The following C1orf105 variants were observed in gnomAD, a reference collection of about 807,000 sequenced individuals.
C1orf105 encodes chromosome 1 open reading frame 105, also known as uncharacterized protein C1orf105.
Under a neutral mutation model 20.8 loss-of-function variants are expected in C1orf105, and 17 were observed. The ratio of observed to expected loss-of-function variants is 0.82; its 90% CI spans 0.56 to 1.23. C1orf105 has a LOEUF of 1.23. Among genes scored for constraint, C1orf105 ranks in the 50% most tolerant of loss-of-function variants. The probability of loss-of-function intolerance (pLI) is 0.00; values close to 1 mark genes in which losing one functional copy is unlikely to be tolerated. For synonymous variants in C1orf105, 72 were observed against 72.1 expected (o/e 1.00, Z 0.01); for missense variants, 219 against 213.5 (o/e 1.03, Z -0.16).
chr1:172,448,427 T>C lies in C1orf105; in HGVS notation c.108-14T>C. The C allele has an allele frequency of 6.4e-7, 1 of 1,570,446 alleles. No individual in the cohort carries two copies. The highest frequency in any genetic ancestry group is 1.1e-5 in the South Asian group (1 of 89,146). On this transcript the variant is annotated splice_polypyrimidine_tract_variant and intron_variant, in intron 2 of 6. Coordinates refer to ENST00000367727, the MANE Select transcript of C1orf105 (RefSeq NM_139240.4). ...GGACTGCGGTTCTAACGTTCTCTTG[T>C]TTTAATTACTTAGATATCCTCATAC...
chr1:172,439,979 T>C lies in C1orf105; in HGVS notation c.22-5094T>C, dbSNP rs1037040083. ...CCTCATTGGCCAGTGTCCTTGGATA[T>C]AGAAAGCAGTCCAATTGACCTTACA... On this transcript the variant is annotated intron_variant, in intron 1 of 6. Transcript: ENST00000367727. 2.6e-5 allele frequency among the ~76,000 whole-genome samples: 4 copies of C among 152,284 alleles called. No individual in the cohort carries two copies. In the East Asian group the frequency reaches 5.8e-4, roughly 22 times the overall value.
Position 172,465,338 on chromosome 1 carries a change from G to C in C1orf105, c.381G>C (p.Glu127Asp). 1 of 1,612,966 alleles carries C rather than the reference G, an allele frequency of 6.2e-7. No homozygotes were observed. ...AACCCAAATTCCAGACTACACCTGA[G>C]CCTTTCCATGATGACATCCCAACAG... is the stretch of plus-strand genomic sequence containing the variant. ...LHQPKFQTTP[E>D]PFHDDIPTES... The change falls in exon 6 of 7, where the codon GAG becomes GAC. Residue 127 changes from glutamate to aspartate, a missense_variant. Transcript: ENST00000367727.
intron 3 of C1orf105, chr1:172,452,956 G>C (rs980766598): frequency 1.2e-5 from 19 of 1,542,458 alleles, no homozygotes; most frequent in Non-Finnish European, 1.7e-5. Flanking sequence ...CGAGTGAGAA[G>C]GGAATGCAAC....
intron 4 of C1orf105, 101 bp downstream of exon 4, chr1:172,456,590 G>A (rs1649278062): frequency 8.9e-7 from 1 of 1,121,096 alleles, no homozygotes; most frequent in African/African-American, 1.5e-5. Flanking sequence ...GGGGCCCGTT[G>A]CAAGGAGGGC....
At chr1:172,428,621 G>C (rs984891743) in intron 1 of C1orf105, among the ~76,000 whole-genome samples, 4 of 152,034 alleles carry the variant, frequency 2.6e-5, no homozygotes, top group Non-Finnish European at 1.5e-5. Context: ...TCAAGTCTTT[G>C]GTAAAATGTT....
intron 1 of C1orf105, among the ~76,000 whole-genome samples, chr1:172,438,215 G>T (rs2072105078): frequency 6.6e-6 from 1 of 152,186 alleles, no homozygotes; most frequent in Non-Finnish European, 1.5e-5. Flanking sequence ...GAAGTCCATG[G>T]ATCAAAGAGT....
At chr1:172,440,208 T>C (rs1028769048) in intron 1 of C1orf105, among the ~76,000 whole-genome samples, 4 of 152,206 alleles carry the variant, frequency 2.6e-5, no homozygotes, top group Admixed American at 6.5e-5. Context: ...TTGAAATTAA[T>C]TCCTAGTGAT....
Position 172,468,669 on chromosome 1 carries a change from C to T in C1orf105, c.*75C>T. 6.9e-7 allele frequency: 1 copy of T among 1,447,538 alleles called. No individual in the cohort carries two copies. The highest frequency in any genetic ancestry group is 9.4e-7 in the Non-Finnish European group (1 of 1,067,948). The allele number at this position is 1,447,538 out of a possible 1,614,324, so 89.7% of individuals were successfully genotyped here. On this transcript the variant is annotated 3_prime_UTR_variant, in exon 7 of 7. Coordinates refer to ENST00000367727, the MANE Select transcript of C1orf105 (RefSeq NM_139240.4). ...CCAAGCCAATCTTTGACACTGGCAC[C>T]TTCTCCTCACAATTTTCTCTCTTCT...
Position 172,420,778 on chromosome 1 carries a change from A to T in C1orf105, c.-108A>T. ...TTTACTTCGTCTCCTAACAAAAAAC[A>T]CTTTGGATTCAGGTTCTCCACAGCA... On this transcript the variant is annotated 5_prime_UTR_variant, in exon 1 of 7. Transcript: ENST00000367727. The T allele has an allele frequency of 8.8e-7, 1 of 1,134,064 alleles. No individual in the cohort carries two copies. The highest frequency in any genetic ancestry group is 1.3e-6 in the Non-Finnish European group (1 of 770,942). The allele number at this position is 1,134,064 out of a possible 1,614,324, so 70.3% of individuals were successfully genotyped here. A position where few individuals can be genotyped will look rare whatever the true frequency, so the allele number is the denominator to read the frequency against.
rs1195889279 is a variant in C1orf105, at chr1:172,468,647, A to G, written c.*53A>G. The G allele has an allele frequency of 6.4e-7, 1 of 1,556,150 alleles. No homozygotes were observed. Among genetic ancestry groups the G allele is most frequent in the East Asian group, 2.3e-5 (1 of 44,072 alleles). Reference sequence around the variant, plus strand: ...TCCCAGAGAGAAAATAACCTCGCCAAGCCAATCTTTGACACTGGCACCTTC... The same window carrying G: ...TCCCAGAGAGAAAATAACCTCGCCAGGCCAATCTTTGACACTGGCACCTTC... On this transcript the variant is annotated 3_prime_UTR_variant, in exon 7 of 7. Coordinates refer to ENST00000367727, the MANE Select transcript of C1orf105 (RefSeq NM_139240.4).
intron 1 of C1orf105, among the ~76,000 whole-genome samples, chr1:172,432,687 T>A (rs1433069613): frequency 2.0e-5 from 3 of 152,212 alleles, no homozygotes; most frequent in Non-Finnish European, 4.4e-5. Context: ...CTGAAAATTC[T>A]AAAAACCAGA....
At chr1:172,438,106 A>C (rs867824940) in intron 1 of C1orf105, among the ~76,000 whole-genome samples, 30 of 151,574 alleles carry the variant, frequency 2.0e-4, no homozygotes, top group Middle Eastern at 3.4e-3. Flanking sequence ...TTTTAAGCCG[A>C]GTGTTGAGCC....
At chr1:172,427,008 TTTAAA>T (rs1433165507) in intron 1 of C1orf105, among the ~76,000 whole-genome samples, 3 of 152,328 alleles carry the variant, frequency 2.0e-5, no homozygotes, top group East Asian at 1.9e-4. Flanking sequence ...CTGGTTTCAC[TTTAAA>T]TTAATCACCA....
At chr1:172,420,993 A>G (rs2071570934) in intron 1 of C1orf105, 87 bp downstream of exon 1, 1 of 1,228,156 alleles carries the variant, frequency 8.1e-7, no homozygotes. Context: ...CCACATAAAC[A>G]TTGAGGGGTG....
chr1:172,441,891 C>G (rs1217880993), intron 1 of C1orf105: 5 of 1,613,994 alleles, frequency 3.1e-6, no homozygotes, highest in Non-Finnish European at 4.2e-6. Flanking sequence ...CACTAATGGA[C>G]AGTAGGCCTC....
At position 172,424,770 on chromosome 1, in the gene C1orf105, CT is replaced by C. The variant is rs3833952; in HGVS notation, c.21+3873del. ...GTCAAAGAGATGATTCCTTCTGCCT[CT>C]TTTTTTTTCTTTTAATGACAAAAAT... On this transcript the variant is annotated intron_variant, in intron 1 of 6. Transcript: ENST00000367727. 1.7e-4 allele frequency among the ~76,000 whole-genome samples: 26 copies of C among 151,866 alleles called. No homozygotes were observed. The South Asian group carries it at 2.5e-3, about 15-fold the overall frequency.
chr1:172,462,477 C>T (rs1382448345), intron 5 of C1orf105, among the ~76,000 whole-genome samples: 1 of 152,190 alleles, frequency 6.6e-6, no homozygotes, highest in Non-Finnish European at 1.5e-5. Flanking sequence ...TTCCTTTCCA[C>T]CTTCACAAGA....
intron 1 of C1orf105, among the ~76,000 whole-genome samples, chr1:172,437,206 AC>A (rs903412646): frequency 1.3e-5 from 2 of 152,186 alleles, no homozygotes; most frequent in Non-Finnish European, 2.9e-5. Flanking sequence ...AGCTAGAAAT[AC>A]CATTTGACCC....
chr1:172,446,274 T>C (rs1218922755), intron 2 of C1orf105, among the ~76,000 whole-genome samples: 1 of 152,030 alleles, frequency 6.6e-6, no homozygotes, highest in African/African-American at 2.4e-5. Context: ...AGTGATAGAG[T>C]GCTTATTAAG....
Sources: allele counts gnomAD v4.1 joint callset (sites outside exome capture counted in the v4.1 genomes callset), GRCh38; gene constraint gnomAD v4.1.1; transcripts MANE v1.5; gene names NCBI Gene and HGNC (gene_info 2026-07-23, HGNC 2026-07-21).